The following SEC24D variants were observed in gnomAD, a reference collection of about 807,000 sequenced individuals.
SEC24D encodes the protein protein transport protein Sec24D.
SEC24D carries 69 observed loss-of-function variants against 116.9 expected under a neutral mutation model. That is an observed-to-expected ratio of 0.59 (90% CI 0.49 to 0.72). The LOEUF is 0.72. Ranked by LOEUF, SEC24D falls within the 30% of genes least tolerant of loss-of-function variation. The probability of loss-of-function intolerance (pLI) is 0.00; values close to 1 mark genes in which losing one functional copy is unlikely to be tolerated. For missense variants in SEC24D, 1,131 were observed against 1,264.1 expected (o/e 0.89, Z 1.60); for synonymous variants, 405 against 442.8 (o/e 0.91, Z 1.07).
chr4:118,809,720 T>TA (rs1045131757), intron 6 of SEC24D, among the ~76,000 whole-genome samples: 12 of 152,246 alleles, frequency 7.9e-5, no homozygotes, highest in African/African-American at 2.9e-4. Flanking sequence ...TTCTAAGTGT[T>TA]AGAGACACAG....
intron 6 of SEC24D, among the ~76,000 whole-genome samples, chr4:118,811,972 T>C (rs1407378157): frequency 6.6e-6 from 1 of 152,206 alleles, no homozygotes; most frequent in African/African-American, 2.4e-5. Context: ...AGAGGCAAAG[T>C]CCATTTTTGA....
rs745921608 is a variant in SEC24D, at chr4:118,815,632, C to A, written c.492G>T (p.Leu164Phe). 2 of 1,614,162 alleles carry A rather than the reference C, an allele frequency of 1.2e-6. No individual in the cohort carries two copies. Among genetic ancestry groups the A allele is most frequent in the Admixed American group, 1.7e-5 (1 of 60,030 alleles). The change falls in exon 5 of 23, where the codon TTG (leucine) becomes TTT (phenylalanine). Residue 164 changes from leucine to phenylalanine, a missense_variant. Transcript: ENST00000280551. ...TPPRPPQPSI[L>F]QPGSQVLPPP... Reference sequence around the variant, plus strand: ...GTGGAAGAACTTGAGATCCAGGCTGCAAAATGGAAGGCTGTGGAGGTCGTG... The same window carrying A: ...GTGGAAGAACTTGAGATCCAGGCTGAAAAATGGAAGGCTGTGGAGGTCGTG...
intron 15 of SEC24D, among the ~76,000 whole-genome samples, 188 bp downstream of exon 15, chr4:118,743,800 G>T (rs1013184643): frequency 2.0e-5 from 3 of 151,898 alleles, no homozygotes; most frequent in Non-Finnish European, 4.4e-5. Context: ...TTGATCCGAG[G>T]TTGGTTGAAG....
intron 22 of SEC24D, among the ~76,000 whole-genome samples, chr4:118,724,044 G>A (rs1382777893): frequency 6.6e-6 from 1 of 152,178 alleles, no homozygotes; most frequent in Non-Finnish European, 1.5e-5. Context: ...TTCTAAAAGG[G>A]ACAAATTATC....
chr4:118,741,564 T>C (rs1039951025), intron 15 of SEC24D, among the ~76,000 whole-genome samples: 2 of 152,182 alleles, frequency 1.3e-5, no homozygotes, highest in African/African-American at 2.4e-5. Flanking sequence ...AATATGCACA[T>C]GTGCACAATA....
chr4:118,824,645 G>C lies in SEC24D; in HGVS notation c.223C>G (p.His75Asp), dbSNP rs754410308. 1 of 1,604,040 alleles carries C rather than the reference G, an allele frequency of 6.2e-7. No individual in the cohort carries two copies. Among genetic ancestry groups the C allele is most frequent in the African/African-American group, 1.3e-5 (1 of 74,196 alleles). Residue 75 changes from histidine (H) to aspartate (D), a missense_variant, in exon 3 of 23, where the codon CAT (histidine) becomes GAT (aspartate). By Grantham distance (81) the His-to-Asp change is moderately conservative. Transcript: ENST00000280551. The part of the protein sequence containing the change: ...GPHQFGQNGA[H>D]ATGHPPQRFP... Reference sequence around the variant, plus strand: ...CTTTGGGGAGGGTGACCAGTGGCATGAGCTCCATTCTGACCAAACTGATGG... The same window carrying C: ...CTTTGGGGAGGGTGACCAGTGGCATCAGCTCCATTCTGACCAAACTGATGG...
intron 19 of SEC24D, chr4:118,735,647 GA>G (rs1335402669): frequency 6.6e-6 from 1 of 150,586 alleles, no homozygotes. Flanking sequence ...TTAATTAAAA[GA>G]ATCTACATTG....
intron 8 of SEC24D, among the ~76,000 whole-genome samples, chr4:118,783,122 C>T (rs185755704): frequency 6.6e-6 from 1 of 152,326 alleles, no homozygotes; most frequent in Admixed American, 6.5e-5. Flanking sequence ...CACTGTCCAA[C>T]CAGTCCTAAT....
At position 118,768,319 on chromosome 4, in the gene SEC24D, G is replaced by A; in HGVS notation, c.1042-8C>T. Reference sequence around the variant, plus strand: ...TACCAAGTAAAGGGGACTCTATGGAGAAGCAAGAAAAATTAAATGAACAGG... The same window carrying A: ...TACCAAGTAAAGGGGACTCTATGGAAAAGCAAGAAAAATTAAATGAACAGG... On this transcript the variant is annotated splice_region_variant and splice_polypyrimidine_tract_variant and intron_variant, in intron 8 of 22. Coordinates refer to ENST00000280551, the MANE Select transcript of SEC24D (RefSeq NM_014822.4). 3 of 1,603,034 alleles carry A rather than the reference G, an allele frequency of 1.9e-6. No homozygotes were observed. Among genetic ancestry groups the A allele is most frequent in the Non-Finnish European group, 2.6e-6 (3 of 1,176,000 alleles).
chr4:118,740,834 T>G, intron 16 of SEC24D, 26 bp from the exon 17 acceptor site: 1 of 1,612,574 alleles, frequency 6.2e-7, no homozygotes, highest in Non-Finnish European at 8.5e-7. Context: ...AAAGGGAAAT[T>G]TTGCTTGTCT....
chr4:118,773,218 C>A (rs562583708), intron 8 of SEC24D, among the ~76,000 whole-genome samples: 1 of 152,062 alleles, frequency 6.6e-6, no homozygotes, highest in Non-Finnish European at 1.5e-5. Context: ...ACAGTTGTCC[C>A]CACAGCACCA....
chr4:118,805,787 T>C (rs1729649699), intron 7 of SEC24D, 56 bp downstream of exon 7: 1 of 1,097,704 alleles, frequency 9.1e-7, no homozygotes, highest in Admixed American at 2.6e-5. Context: ...GTATTTGCTT[T>C]AAAAACGGTG....
Position 118,815,077 on chromosome 4 carries a change from C to A in SEC24D, c.752G>T (p.Gly251Val), listed in dbSNP as rs778393065. 1.2e-6 allele frequency: 2 copies of A among 1,614,006 alleles called. No individual in the cohort carries two copies. The highest frequency in any genetic ancestry group is 3.3e-5 in the Admixed American group (2 of 60,010). Reference protein sequence around the residue: ...GFPGGPAQMAGPPQPQKKLDP... With the variant: ...GFPGGPAQMAVPPQPQKKLDP... ...CAGCTTCTTCTGGGGCTGTGGCGGA[C>A]CAGCCATCTGTGCAGGACCTCCAGG... The change falls in exon 6 of 23, where the codon GGT (glycine) becomes GTT (valine). Residue 251 changes from glycine (G) to valine (V), a missense_variant. Coordinates refer to ENST00000280551, the MANE Select transcript of SEC24D (RefSeq NM_014822.4).
intron 8 of SEC24D, among the ~76,000 whole-genome samples, chr4:118,773,907 A>G (rs1463990772): frequency 6.6e-6 from 1 of 152,196 alleles, no homozygotes; most frequent in Admixed American, 6.5e-5. Context: ...GAGCAATACT[A>G]TTCTATTTAG....
intron 19 of SEC24D, among the ~76,000 whole-genome samples, chr4:118,734,624 G>A (rs982359188): frequency 1.4e-5 from 2 of 147,830 alleles, no homozygotes; most frequent in Non-Finnish European, 2.9e-5. Context: ...AATTCATATC[G>A]TAAGTCTCTT....
In SEC24D at chr4:118,815,798, AC is replaced by A. The variant is rs143650969; in HGVS notation, c.398-73del. Reference sequence around the variant, plus strand: ...CTCTCTGACTTCTGCAAAGTACATGACAGAGATGTTTGTTTTCCTGACATAA... The same window carrying A: ...CTCTCTGACTTCTGCAAAGTACATGAAGAGATGTTTGTTTTCCTGACATAA... On this transcript the variant is annotated intron_variant, in intron 4 of 22. Coordinates refer to ENST00000280551, the MANE Select transcript of SEC24D (RefSeq NM_014822.4). 0.055 allele frequency: 81,902 copies of A among 1,502,188 alleles called. 2,672 individuals are homozygous for A. Among genetic ancestry groups the A allele is most frequent in the Non-Finnish European group, 0.064 (70,768 of 1,102,412 alleles). The allele number at this position is 1,502,188 out of a possible 1,614,324, so 93.1% of individuals were successfully genotyped here.
At chr4:118,778,359 A>T (rs1300839424) in intron 8 of SEC24D, among the ~76,000 whole-genome samples, 1 of 152,238 alleles carries the variant, frequency 6.6e-6, no homozygotes, top group Non-Finnish European at 1.5e-5. Context: ...TTTATTAAAC[A>T]GGGAAACCTT....
chr4:118,740,130 G>A (rs1726156009), intron 17 of SEC24D, among the ~76,000 whole-genome samples: 1 of 152,144 alleles, frequency 6.6e-6, no homozygotes, highest in African/African-American at 2.4e-5. Context: ...ATATAGGCAT[G>A]TAACAGAGGG....
In SEC24D at chr4:118,768,259, C is replaced by T. The variant is rs1331296275; in HGVS notation, c.1094G>A (p.Arg365Lys). 1 of 1,613,782 alleles carries T rather than the reference C, an allele frequency of 6.2e-7. No homozygotes were observed. Among genetic ancestry groups the T allele is most frequent in the African/African-American group, 1.3e-5 (1 of 74,908 alleles). Residue 365 changes from arginine (R) to lysine (K), a missense_variant, in exon 9 of 23, where the codon AGG (arginine) becomes AAG (lysine). Arg to Lys is a conservative substitution (Grantham distance 26). Transcript: ENST00000280551. ...HGESGPVRCNRCKAYMCPFMQ... is the reference protein window; with the variant it reads ...HGESGPVRCNKCKAYMCPFMQ... ...AAATGGGCACATGTAGGCCTTGCACCTGTTGCATCTGACTGGTCCACTCTC... is the reference window on the plus strand; with the variant it reads ...AAATGGGCACATGTAGGCCTTGCACTTGTTGCATCTGACTGGTCCACTCTC...
Sources: gnomAD v4.1 joint callset for allele counts (sites outside exome capture counted in the v4.1 genomes callset) on GRCh38, gnomAD v4.1.1 for gene constraint, MANE v1.5 for transcripts, NCBI Gene and HGNC (gene_info 2026-07-23, HGNC 2026-07-21) for gene names.